COX4I1: variants seen among roughly 807,000 people sequenced by gnomAD.
The protein encoded by COX4I1 is cytochrome c oxidase subunit 4 isoform 1, mitochondrial.
In COX4I1, 18 loss-of-function variants were observed where a neutral mutation model predicts 21.7. The observed-to-expected ratio is 0.83, with a 90% CI of 0.57 to 1.23. The LOEUF (loss-of-function observed/expected upper bound fraction) is 1.23, where lower values mean the gene tolerates loss of function less well. Among genes scored for constraint, COX4I1 ranks in the 50% most tolerant of loss-of-function variants. The pLI is 0.00. For missense variants in COX4I1, 238 were observed against 220.7 expected, an observed-to-expected ratio of 1.08 and a Z score of -0.50; for synonymous variants, 100 against 81.5, an observed-to-expected ratio of 1.23 and a Z score of -1.23.
intron 2 of COX4I1, among the ~76,000 whole-genome samples, chr16:85,801,912 T>A (rs146302679): frequency 2.0e-5 from 3 of 152,052 alleles, no homozygotes; most frequent in African/African-American, 7.2e-5. Context: ...GTTTGCAATC[T>A]GAAGAGGGAC....
In COX4I1 at chr16:85,806,211, T is replaced by G; in HGVS notation, c.373+347T>G. The stretch of plus-strand genomic sequence containing the variant: ...TTCGAGCAAGGATAAGGGGACTCAT[T>G]CATTGAATGACTGTCTGGACTGTTG... On this transcript the variant is annotated intron_variant, in intron 4 of 4. Coordinates refer to ENST00000253452, the MANE Select transcript of COX4I1 (RefSeq NM_001861.6). The G allele has an allele frequency of 1.4e-5, 8 of 588,890 alleles. No individual in the cohort carries two copies. The East Asian group carries it at 2.2e-4, about 16-fold the overall frequency. 36.5% of individuals were successfully genotyped at this position (588,890 alleles called of 1,614,324 possible).
rs770419022 is a variant in COX4I1 at position 85,804,923 on chromosome 16, A to G, written c.74-14A>G. 1.1e-5 allele frequency: 17 copies of G among 1,595,000 alleles called. No individual in the cohort carries two copies. In the African/African-American group the frequency reaches 2.3e-4, roughly 22 times the overall value. On this transcript the variant is annotated splice_polypyrimidine_tract_variant and intron_variant, in intron 2 of 4. Transcript: ENST00000253452. ...TACATGGATTTTCAAAGATTTATTC[A>G]ATATGTTTTTCAGAAAGTGTTGTGA...
chr16:85,804,888 ACT>A (rs1171004652), intron 2 of COX4I1, 47 bp from the exon 3 acceptor site: 3 of 1,535,098 alleles, frequency 2.0e-6, no homozygotes, highest in Admixed American at 1.9e-5. Context: ...CCTTGGGGTG[ACT>A]CTCAACTTAC....
intron 1 of COX4I1, 57 bp from the exon 2 acceptor site, chr16:85,801,148 C>G (rs991112397): frequency 2.1e-6 from 3 of 1,449,354 alleles, no homozygotes; most frequent in Admixed American, 3.5e-5. Flanking sequence ...AAAAAGAAGA[C>G]TAATTCCTTG....
rs1237144404 is a variant in COX4I1 at position 85,801,420 on chromosome 16, G to T, written c.73+142G>T. 5.0e-6 allele frequency: 3 copies of T among 599,802 alleles called. No homozygotes were observed. In the African/African-American group the frequency reaches 5.5e-5, roughly 11 times the overall value. The allele number at this position is 599,802 out of a possible 1,614,324, so 37.2% of individuals were successfully genotyped here. A position where few individuals can be genotyped will look rare whatever the true frequency, so the allele number is the denominator to read the frequency against. ...AGGGGAGATATAAATGTTCTCACAG[G>T]GCTTGGTTCTAGATTAAGAAGTGTT... On this transcript the variant is annotated intron_variant, in intron 2 of 4. Transcript: ENST00000253452.
At chr16:85,805,894 C>T (rs766674752) in intron 4 of COX4I1, 30 bp downstream of exon 4, 1 of 1,613,326 alleles carries the variant, frequency 6.2e-7, no homozygotes, top group South Asian at 1.1e-5. Context: ...GGCATGGGCG[C>T]CTGGACTGGG....
Position 85,806,730 on chromosome 16 carries a change from C to T in COX4I1, c.374-8C>T, listed in dbSNP as rs776935149. The T allele has an allele frequency of 3.1e-6, 5 of 1,613,916 alleles. No individual in the cohort carries two copies. In the South Asian group the frequency reaches 4.4e-5, roughly 14 times the overall value. On this transcript the variant is annotated splice_polypyrimidine_tract_variant and splice_region_variant and intron_variant, in intron 4 of 4. Coordinates refer to ENST00000253452, the MANE Select transcript of COX4I1 (RefSeq NM_001861.6). The stretch of plus-strand genomic sequence containing the variant: ...TAGTCTTGCCCCATAACCTGTCTCA[C>T]ACCGTAGTGTACGGCCCCCTCCCGC...
chr16:85,803,552 ACT>A (rs992392039), intron 2 of COX4I1: 4 of 152,102 alleles, frequency 2.6e-5, no homozygotes, highest in African/African-American at 9.7e-5. Flanking sequence ...CAGTGGGAAG[ACT>A]CTCAGTACAA....
At chr16:85,800,428 C>G (rs139635993) in intron 1 of COX4I1, among the ~76,000 whole-genome samples, 1 of 152,308 alleles carries the variant, frequency 6.6e-6, no homozygotes, top group African/African-American at 2.4e-5. Context: ...TGTTGGCAGC[C>G]TTCTCCAATT....
At chr16:85,806,384 G>GTATA in intron 4 of COX4I1, 1 of 694,014 alleles carries the variant, frequency 1.4e-6, no homozygotes, top group South Asian at 1.5e-5. Flanking sequence ...TTCTGAATAG[G>GTATA]TATATTCTCG....
intron 1 of COX4I1, among the ~76,000 whole-genome samples, chr16:85,800,328 G>C (rs755323448): frequency 6.6e-6 from 1 of 152,228 alleles, no homozygotes; most frequent in Non-Finnish European, 1.5e-5. Flanking sequence ...GCCGTGTAAG[G>C]TTGATGGGCC....
intron 2 of COX4I1, chr16:85,803,800 CTG>C (rs1905950806): frequency 6.6e-6 from 1 of 152,258 alleles, no homozygotes; most frequent in Admixed American, 6.5e-5. Context: ...TGCCCGTGCT[CTG>C]TGACTCCTGA....
chr16:85,805,686 A>C (rs1349000874), intron 3 of COX4I1, 47 bp from the exon 4 acceptor site: 2 of 1,606,892 alleles, frequency 1.2e-6, no homozygotes. Flanking sequence ...CAGAGGAGGG[A>C]GCTGCTGACC....
intron 3 of COX4I1, chr16:85,805,346 C>T (rs1168357916): frequency 5.6e-6 from 3 of 537,796 alleles, no homozygotes; most frequent in Non-Finnish European, 9.8e-6. Flanking sequence ...GGTAGCCTCT[C>T]AGCATATCTG....
intron 1 of COX4I1, among the ~76,000 whole-genome samples, chr16:85,800,377 G>T (rs1445783263): frequency 6.6e-6 from 1 of 152,228 alleles, no homozygotes; most frequent in Non-Finnish European, 1.5e-5. Flanking sequence ...GGTCTCATAG[G>T]TTTTCCGCTC....
intron 1 of COX4I1, among the ~76,000 whole-genome samples, 184 bp from the exon 2 acceptor site, chr16:85,801,021 C>T (rs767340269): frequency 6.6e-6 from 1 of 152,116 alleles, no homozygotes. Flanking sequence ...TAAAAGCATG[C>T]CAATTACTAA....
chr16:85,805,982 A>C, intron 4 of COX4I1, 118 bp downstream of exon 4: 2 of 1,388,388 alleles, frequency 1.4e-6, no homozygotes, highest in Admixed American at 2.0e-5. Context: ...ACTGCATTCC[A>C]GAGTTCATCT....
In COX4I1 at chr16:85,805,715, T is replaced by C; in HGVS notation, c.242-18T>C. On this transcript the variant is annotated intron_variant, in intron 3 of 4. Coordinates refer to ENST00000253452, the MANE Select transcript of COX4I1 (RefSeq NM_001861.6). ...GCTGACCTTTGTGCCTGTAAATGGC[T>C]GTCCTCTCTGCCCCCAGTGTATCGC... is the stretch of plus-strand genomic sequence containing the variant. 1 of 1,613,354 alleles carries C rather than the reference T, an allele frequency of 6.2e-7. No homozygotes were observed.
In COX4I1 at chr16:85,806,994, T is replaced by A. The variant is rs750607489; in HGVS notation, c.*120T>A. 1.9e-6 allele frequency: 2 copies of A among 1,051,296 alleles called. No homozygotes were observed. The highest frequency in any genetic ancestry group is 5.2e-4 in the Middle Eastern group (2 of 3,858). 65.1% of individuals were successfully genotyped at this position (1,051,296 alleles called of 1,614,324 possible). A position where few individuals can be genotyped will look rare whatever the true frequency, so the allele number is the denominator to read the frequency against. ...TACCACTGCTAATAAATGACCAGTT[T>A]ACCTGAAACCCTTTGTGATCAGTTC... is the stretch of plus-strand genomic sequence containing the variant. On this transcript the variant is annotated 3_prime_UTR_variant, in exon 5 of 5. Coordinates refer to ENST00000253452, the MANE Select transcript of COX4I1 (RefSeq NM_001861.6).
Sources: allele counts gnomAD v4.1 joint callset (sites outside exome capture counted in the v4.1 genomes callset), GRCh38; gene constraint gnomAD v4.1.1; transcripts MANE v1.5; gene names NCBI Gene and HGNC (gene_info 2026-07-23, HGNC 2026-07-21).